Variants in FOCAD observed in about 807,000 individuals in gnomAD.
The protein encoded by FOCAD is KIAA1797.
FOCAD carries 198 observed loss-of-function variants against 225.6 expected under a neutral mutation model. That is an observed-to-expected ratio of 0.88 (90% CI 0.78 to 0.99). FOCAD has a LOEUF of 0.99. Among genes scored for constraint, FOCAD ranks in the 50% least tolerant of loss-of-function variants. The probability of loss-of-function intolerance (pLI) is 0.00; values close to 1 mark genes in which losing one functional copy is unlikely to be tolerated. For missense variants in FOCAD, 2,713 were observed against 2,123.6 expected (o/e 1.28, Z -5.46); for synonymous variants, 897 against 755.0 (o/e 1.19, Z -3.08).
chr9:20,770,194 T>C lies in FOCAD; in HGVS notation c.862T>C (p.Ser288Pro). 1 of 1,614,094 alleles carries C rather than the reference T, an allele frequency of 6.2e-7. No individual in the cohort carries two copies. The highest frequency in any genetic ancestry group is 8.5e-7 in the Non-Finnish European group (1 of 1,179,992). The change falls in exon 8 of 44, where the codon TCT (serine) becomes CCT (proline). Residue 288 changes from serine to proline, a missense_variant. Physicochemically the swap from Ser to Pro is moderately conservative, Grantham distance 74. Transcript: ENST00000338382. The stretch of plus-strand genomic sequence containing the variant: ...CTTAAAGATAACTGGTGAATGTTCA[T>C]CTTCAATTCACCTTTTAGAGCACAG... ...VSLKITGECS[S>P]SIHLLEHSVE...
intron 28 of FOCAD, among the ~76,000 whole-genome samples, chr9:20,942,462 C>T (rs921714290): frequency 6.6e-6 from 1 of 152,208 alleles, no homozygotes; most frequent in Non-Finnish European, 1.5e-5. Context: ...CAATATTCCT[C>T]TTTCTGAAAT....
intron 1 of FOCAD, among the ~76,000 whole-genome samples, chr9:20,705,117 A>T (rs1285015622): frequency 6.6e-6 from 1 of 152,316 alleles, no homozygotes; most frequent in South Asian, 2.1e-4. Context: ...TGGGGGTTGA[A>T]TGAGTTAATA....
chr9:20,945,158 G>A (rs1010456203), intron 29 of FOCAD, among the ~76,000 whole-genome samples: 7 of 152,184 alleles, frequency 4.6e-5, no homozygotes, highest in Non-Finnish European at 8.8e-5. Context: ...ATCAAAAGGC[G>A]TTTGATTTTT....
intron 5 of FOCAD, among the ~76,000 whole-genome samples, chr9:20,750,872 T>C (rs558320741): frequency 6.6e-6 from 1 of 152,302 alleles, no homozygotes; most frequent in South Asian, 2.1e-4. Flanking sequence ...GCTGCCACCT[T>C]TAATACTTTT....
intron 11 of FOCAD, among the ~76,000 whole-genome samples, chr9:20,799,420 T>G (rs1821525338): frequency 6.6e-6 from 1 of 152,288 alleles, no homozygotes; most frequent in Non-Finnish European, 1.5e-5. Context: ...TTTTGTCTCG[T>G]TGATCTGTCT....
intron 2 of FOCAD, among the ~76,000 whole-genome samples, chr9:20,659,660 T>C (rs1387043218): frequency 6.6e-6 from 1 of 152,168 alleles, no homozygotes; most frequent in Admixed American, 6.5e-5. Flanking sequence ...GAAAATAAAT[T>C]TCTGTTGTCT....
chr9:20,756,827 G>A (rs1236348959), intron 5 of FOCAD, among the ~76,000 whole-genome samples: 1 of 152,160 alleles, frequency 6.6e-6, no homozygotes, highest in East Asian at 1.9e-4. Flanking sequence ...AAAAATCATT[G>A]CTGGAGATAT....
intron 35 of FOCAD, among the ~76,000 whole-genome samples, chr9:20,962,129 G>T (rs555314946): frequency 3.0e-4 from 45 of 152,132 alleles, no homozygotes; most frequent in Admixed American, 2.2e-3. Flanking sequence ...TTTCCTTGGT[G>T]GGGGAAGATA....
intron 4 of FOCAD, among the ~76,000 whole-genome samples, chr9:20,738,318 A>C: frequency 1.3e-5 from 2 of 152,236 alleles, no homozygotes; most frequent in East Asian, 3.8e-4. Flanking sequence ...ATTCTAGTTT[A>C]CAAAAAGATT....
At position 20,778,679 on chromosome 9, in the gene FOCAD, A is replaced by G; in HGVS notation, c.907-2A>G. On this transcript the variant is annotated splice_acceptor_variant, in intron 8 of 43. Coordinates refer to ENST00000338382, the MANE Select transcript of FOCAD (RefSeq NM_001375567.1). LOFTEE classifies it high-confidence loss of function. ...CTCCTTTTTCCCCCTCTATTCTTTTAGGATTTTCCTGTTGAACTGGTCATA... is the reference window on the plus strand; with the variant it reads ...CTCCTTTTTCCCCCTCTATTCTTTTGGGATTTTCCTGTTGAACTGGTCATA... 1.9e-6 allele frequency: 3 copies of G among 1,591,992 alleles called. No homozygotes were observed. The highest frequency in any genetic ancestry group is 2.7e-5 in the African/African-American group (2 of 74,646).
chr9:20,742,246 C>T (rs932516492), intron 5 of FOCAD, among the ~76,000 whole-genome samples: 1 of 152,226 alleles, frequency 6.6e-6, no homozygotes, highest in African/African-American at 2.4e-5. Flanking sequence ...AAAATGAATC[C>T]GAATCTCCGC....
At chr9:20,820,486 A>G (rs570908661) in intron 13 of FOCAD, 61 bp downstream of exon 13, 9 of 1,373,520 alleles carry the variant, frequency 6.6e-6, no homozygotes, top group East Asian at 2.3e-5. Context: ...AAGGAAAATA[A>G]TTATGTCATA....
chr9:20,963,600 C>T (rs1459068493), intron 35 of FOCAD, among the ~76,000 whole-genome samples: 1 of 152,150 alleles, frequency 6.6e-6, no homozygotes, highest in African/African-American at 2.4e-5. Flanking sequence ...GAATTGGATG[C>T]ATTGTTCTTA....
intron 21 of FOCAD, among the ~76,000 whole-genome samples, chr9:20,892,416 A>G (rs1831693158): frequency 6.6e-6 from 1 of 152,166 alleles, no homozygotes; most frequent in African/African-American, 2.4e-5. Flanking sequence ...AACATCCGTG[A>G]TTTATATGAA....
At position 20,862,705 on chromosome 9, in the gene FOCAD, A is replaced by G; in HGVS notation, c.2048A>G (p.Glu683Gly). 3 of 1,611,408 alleles carry G rather than the reference A, an allele frequency of 1.9e-6. No homozygotes were observed. The highest frequency in any genetic ancestry group is 2.2e-5 in the South Asian group (2 of 90,502). Residue 683 changes from glutamate to glycine, a missense_variant, in exon 16 of 44, where the codon GAA becomes GGA. Physicochemically the swap from Glu to Gly is moderately conservative, Grantham distance 98 (BLOSUM62 -2). Coordinates refer to ENST00000338382, the MANE Select transcript of FOCAD (RefSeq NM_001375567.1). ...LVPSLTVNTT[E>G]YENFKVQVLS... ...CCTTCCTTAACGGTCAATACAACTG[A>G]ATATGAGGTATGCATTTGGAGCTCA...
chr9:20,872,410 G>A (rs1829862182), intron 18 of FOCAD, among the ~76,000 whole-genome samples: 1 of 152,052 alleles, frequency 6.6e-6, no homozygotes, highest in Admixed American at 6.6e-5. Flanking sequence ...AAATAATTCT[G>A]GAAGCATTTG....
intron 35 of FOCAD, among the ~76,000 whole-genome samples, chr9:20,963,046 C>G (rs1838905308): frequency 6.6e-6 from 1 of 152,110 alleles, no homozygotes; most frequent in Admixed American, 6.5e-5. Context: ...ATGAAACTGC[C>G]AAATATTTTC....
intron 5 of FOCAD, among the ~76,000 whole-genome samples, chr9:20,742,203 A>C (rs1207215275): frequency 6.6e-6 from 1 of 152,182 alleles, no homozygotes; most frequent in Admixed American, 6.5e-5. Context: ...GCTTAAAAAG[A>C]GACAAACATG....
At chr9:20,923,340 A>T (rs369840577) in intron 24 of FOCAD, among the ~76,000 whole-genome samples, 2 of 152,202 alleles carry the variant, frequency 1.3e-5, no homozygotes, top group Non-Finnish European at 2.9e-5. Flanking sequence ...CAAAGATGAC[A>T]CAGAAGAGAT....
Sources: gnomAD v4.1 joint callset for allele counts (sites outside exome capture counted in the v4.1 genomes callset) on GRCh38, gnomAD v4.1.1 for gene constraint, MANE v1.5 for transcripts, NCBI Gene and HGNC (gene_info 2026-07-23, HGNC 2026-07-21) for gene names.